Variants in CBX5 observed in about 807,000 individuals in gnomAD.
CBX5 encodes chromobox 5.
A neutral mutation model predicts 20.7 loss-of-function variants in CBX5; 7 were observed. That is an observed-to-expected ratio of 0.34 (90% confidence interval 0.19 to 0.63). The LOEUF (loss-of-function observed/expected upper bound fraction) is 0.63. Among genes scored for constraint, CBX5 ranks in the 30% least tolerant of loss-of-function variants. CBX5 has a pLI of 0.75. For missense variants in CBX5, 110 were observed against 224.1 expected (o/e 0.49, Z 3.25); for synonymous variants, 78 against 77.0 (o/e 1.01, Z -0.07).
intron 1 of CBX5, chr12:54,271,861 G>A (rs1944013806): frequency 6.6e-6 from 1 of 152,140 alleles, no homozygotes; most frequent in African/African-American, 2.4e-5. Flanking sequence ...AAATTTTAAT[G>A]AATTTTCTTT....
intron 4 of CBX5, among the ~76,000 whole-genome samples, chr12:54,242,252 A>G (rs564491233): frequency 2.6e-5 from 4 of 152,208 alleles, no homozygotes; most frequent in African/African-American, 7.2e-5. Flanking sequence ...GGGGCCGGGC[A>G]CGGTGGCTCA....
chr12:54,275,638 G>C (rs1305813423), intron 1 of CBX5, among the ~76,000 whole-genome samples: 1 of 152,138 alleles, frequency 6.6e-6, no homozygotes, highest in Non-Finnish European at 1.5e-5. Flanking sequence ...CTCTGTGATA[G>C]TACCAGAATT....
rs1488117609 is a variant in CBX5, at chr12:54,232,272, G to A, written c.*9483C>T. On this transcript the variant is annotated 3_prime_UTR_variant, in exon 5 of 5. Coordinates refer to ENST00000209875, the MANE Select transcript of CBX5 (RefSeq NM_012117.3). ...ACATCTGAACTAGCAGCTTTGATGA[G>A]GGGTGGGGGGCAGAAAATTTGCCGA... The A allele has an allele frequency of 1.3e-5, 2 of 152,320 alleles. No individual in the cohort carries two copies. Among genetic ancestry groups the A allele is most frequent in the South Asian group, 2.1e-4 (1 of 4,822 alleles). 9.4% of individuals were successfully genotyped at this position (152,320 alleles called of 1,614,324 possible).
At chr12:54,263,450 G>C (rs1036632961) in intron 1 of CBX5, among the ~76,000 whole-genome samples, 3 of 150,972 alleles carry the variant, frequency 2.0e-5, no homozygotes, top group Non-Finnish European at 4.4e-5. Flanking sequence ...AAAAACAAGA[G>C]GTAGGCCGGC....
chr12:54,277,404 G>A (rs559982437), intron 1 of CBX5, among the ~76,000 whole-genome samples: 6 of 151,956 alleles, frequency 3.9e-5, no homozygotes, highest in African/African-American at 1.5e-4. Context: ...GGGGTTTCAC[G>A]ATGTTGGCCA....
At position 54,249,376 on chromosome 12, in the gene CBX5, A is replaced by G. The variant is rs1319008293; in HGVS notation, c.324+2665T>C. On this transcript the variant is annotated intron_variant, in intron 3 of 4. Transcript: ENST00000209875. ...TGAGACTATGTCTCAAAAAAAAAAGAAAAAAAAAAAATTCTAATTTTACTG... is the reference window on the plus strand; with the variant it reads ...TGAGACTATGTCTCAAAAAAAAAAGGAAAAAAAAAAATTCTAATTTTACTG... 1.9e-3 allele frequency among the ~76,000 whole-genome samples: 280 copies of G among 143,822 alleles called. 1 individual carries two copies. The highest frequency in any genetic ancestry group is 7.2e-3 in the African/African-American group (269 of 37,426). The allele number at this position is 143,822 out of a possible 152,430, so 94.4% of individuals were successfully genotyped here. A position where few individuals can be genotyped will look rare whatever the true frequency, so the allele number is the denominator to read the frequency against.
In CBX5 at chr12:54,257,667, C is replaced by A. The variant is rs1288521668; in HGVS notation, c.-17G>T. 16 of 1,613,962 alleles carry A rather than the reference C, an allele frequency of 9.9e-6. No individual in the cohort carries two copies. The highest frequency in any genetic ancestry group is 5.0e-5 in the Admixed American group (3 of 59,994). On this transcript the variant is annotated 5_prime_UTR_variant, in exon 2 of 5. Coordinates refer to ENST00000209875, the MANE Select transcript of CBX5 (RefSeq NM_012117.3). ...CTTTCCCATGTCGCACACCGTTCCA[C>A]CTGAAAGACTAAGGCCACCAGGTCC...
chr12:54,275,686 G>A (rs77965125), intron 1 of CBX5, among the ~76,000 whole-genome samples: 74 of 152,070 alleles, frequency 4.9e-4, no homozygotes, highest in African/African-American at 1.7e-3. Flanking sequence ...CACCACCAGA[G>A]AGAAAAGTTC....
intron 2 of CBX5, 41 bp from the exon 3 acceptor site, chr12:54,252,268 G>C (rs755779447): frequency 6.9e-7 from 1 of 1,450,900 alleles, no homozygotes; most frequent in Non-Finnish European, 9.3e-7. Flanking sequence ...AAAAGGGGGG[G>C]GTAAAGAATG....
chr12:54,279,897 T>C (rs1245692228), intron 1 of CBX5, 111 bp downstream of exon 1: 4 of 148,860 alleles, frequency 2.7e-5, no homozygotes, highest in Non-Finnish European at 4.5e-5. Context: ...GACCCACCGC[T>C]GCCCCTTCAC....
chr12:54,252,665 T>A (rs1943818069), intron 2 of CBX5: 1 of 157,378 alleles, frequency 6.4e-6, no homozygotes, highest in African/African-American at 2.4e-5. Context: ...ACATGAAATG[T>A]CTGGGAAAGA....
chr12:54,259,256 C>A (rs998028802), intron 1 of CBX5: 1 of 152,166 alleles, frequency 6.6e-6, no homozygotes, highest in Admixed American at 6.5e-5. Flanking sequence ...TACCCCACCC[C>A]CACCACCACT....
chr12:54,237,359 CA>C lies in CBX5; in HGVS notation c.*4395del. On this transcript the variant is annotated 3_prime_UTR_variant, in exon 5 of 5. Coordinates refer to ENST00000209875, the MANE Select transcript of CBX5 (RefSeq NM_012117.3). ...AAAGGATTTTCCATGAACAGAAAAG[CA>C]AATATAAATGCAGTTGATAAACTAG... 6.6e-6 allele frequency: 1 copy of C among 152,196 alleles called. No homozygotes were observed. Among genetic ancestry groups the C allele is most frequent in the East Asian group, 1.9e-4 (1 of 5,188 alleles). The allele number at this position is 152,196 out of a possible 1,614,324, so 9.4% of individuals were successfully genotyped here.
chr12:54,246,372 C>G (rs1311006544), intron 3 of CBX5, among the ~76,000 whole-genome samples, 157 bp from the exon 4 acceptor site: 1 of 152,166 alleles, frequency 6.6e-6, no homozygotes, highest in East Asian at 1.9e-4. Flanking sequence ...TAAGTACTGA[C>G]AGTGACAATG....
In CBX5 at chr12:54,234,703, C is replaced by T. The variant is rs1295767883; in HGVS notation, c.*7052G>A. The T allele has an allele frequency of 6.6e-6, 1 of 152,194 alleles. No homozygotes were observed. Among genetic ancestry groups the T allele is most frequent in the Non-Finnish European group, 1.5e-5 (1 of 68,042 alleles). The allele number at this position is 152,194 out of a possible 1,614,324, so 9.4% of individuals were successfully genotyped here. A position where few individuals can be genotyped will look rare whatever the true frequency, so the allele number is the denominator to read the frequency against. ...TTGCCTCCAGTGCAGGATTCATTCCCTTCCCCACTGCCTTGTTTTAACTCC... is the reference window on the plus strand; with the variant it reads ...TTGCCTCCAGTGCAGGATTCATTCCTTTCCCCACTGCCTTGTTTTAACTCC... On this transcript the variant is annotated 3_prime_UTR_variant, in exon 5 of 5. Coordinates refer to ENST00000209875, the MANE Select transcript of CBX5 (RefSeq NM_012117.3).
At chr12:54,250,531 C>A (rs535233443) in intron 3 of CBX5, among the ~76,000 whole-genome samples, 2 of 152,064 alleles carry the variant, frequency 1.3e-5, no homozygotes, top group South Asian at 2.1e-4. Flanking sequence ...CGGGGCCGGG[C>A]GCGGTGGCTC....
chr12:54,248,749 G>A (rs1943762888), intron 3 of CBX5, among the ~76,000 whole-genome samples: 1 of 152,082 alleles, frequency 6.6e-6, no homozygotes, highest in Middle Eastern at 3.2e-3. Flanking sequence ...AAGGAGCCAG[G>A]GCGAAGAAAA....
At chr12:54,279,460 T>C (rs1049343318) in intron 1 of CBX5, among the ~76,000 whole-genome samples, 1 of 152,038 alleles carries the variant, frequency 6.6e-6, no homozygotes, top group Non-Finnish European at 1.5e-5. Context: ...GGATAAAACA[T>C]CCACCCTCAC....
At chr12:54,271,918 G>A (rs1382780248) in intron 1 of CBX5, 1 of 152,088 alleles carries the variant, frequency 6.6e-6, no homozygotes, top group South Asian at 2.1e-4. Flanking sequence ...ACATAAATGA[G>A]GTTTGCTATG....
Sources: allele counts gnomAD v4.1 joint callset (sites outside exome capture counted in the v4.1 genomes callset), GRCh38; gene constraint gnomAD v4.1.1; transcripts MANE v1.5; gene names NCBI Gene and HGNC (gene_info 2026-07-23, HGNC 2026-07-21).